The following XKR6 variants were observed in gnomAD, a reference collection of about 807,000 sequenced individuals.
The protein encoded by XKR6 is XK related 6.
A neutral mutation model predicts 56.7 loss-of-function variants in XKR6; 22 were observed. The ratio of observed to expected loss-of-function variants is 0.39; its 90% CI spans 0.28 to 0.55. XKR6 has a LOEUF of 0.55. Among genes scored for constraint, XKR6 ranks in the 20% least tolerant of loss-of-function variants. XKR6 has a pLI of 0.66. For synonymous variants in XKR6, 524 were observed against 387.8 expected (o/e 1.35, Z -4.13); for missense variants, 852 against 889.0 (o/e 0.96, Z 0.53).
At chr8:10,948,557 G>A (rs547682817) in intron 1 of XKR6, among the ~76,000 whole-genome samples, 16 of 152,236 alleles carry the variant, frequency 1.1e-4, no homozygotes, top group Admixed American at 2.6e-4. Context: ...GGGCCTGGTC[G>A]GCTGCCCAGA....
chr8:11,174,747 A>G (rs755532600), intron 1 of XKR6, among the ~76,000 whole-genome samples: 7 of 152,070 alleles, frequency 4.6e-5, no homozygotes, highest in Non-Finnish European at 7.4e-5. Context: ...TTCCAAGTCT[A>G]GCTCTCACCT....
intron 1 of XKR6, among the ~76,000 whole-genome samples, chr8:11,199,985 A>T (rs1804111679): frequency 1.3e-5 from 2 of 152,038 alleles, no homozygotes; most frequent in African/African-American, 4.8e-5. Flanking sequence ...AAAAAAAAAA[A>T]GTCTTTTTTC....
intron 1 of XKR6, among the ~76,000 whole-genome samples, chr8:11,155,801 C>T (rs1321511908): frequency 6.6e-6 from 1 of 152,158 alleles, no homozygotes; most frequent in African/African-American, 2.4e-5. Context: ...TGATCTTACT[C>T]GAAATGCAAA....
At chr8:11,037,352 A>G (rs1799172363) in intron 1 of XKR6, among the ~76,000 whole-genome samples, 1 of 152,126 alleles carries the variant, frequency 6.6e-6, no homozygotes, top group South Asian at 2.1e-4. Context: ...AGGCCTCCTG[A>G]GTAGCTGAGA....
chr8:10,979,749 G>C (rs1360934504), intron 1 of XKR6, among the ~76,000 whole-genome samples: 1 of 152,190 alleles, frequency 6.6e-6, no homozygotes, highest in Non-Finnish European at 1.5e-5. Flanking sequence ...GTGGCTACTT[G>C]GACCCTCCGT....
At chr8:11,183,105 T>C (rs1157638465) in intron 1 of XKR6, among the ~76,000 whole-genome samples, 1 of 152,214 alleles carries the variant, frequency 6.6e-6, no homozygotes, top group African/African-American at 2.4e-5. Context: ...TTTTGTTTAT[T>C]CACTTGTGTT....
At chr8:11,061,637 G>C (rs1799837649) in intron 1 of XKR6, among the ~76,000 whole-genome samples, 2 of 152,166 alleles carry the variant, frequency 1.3e-5, no homozygotes, top group African/African-American at 4.8e-5. Context: ...TGCCCTGAAA[G>C]ACCACCCTGG....
intron 1 of XKR6, among the ~76,000 whole-genome samples, chr8:11,010,923 G>A (rs1002673271): frequency 6.6e-5 from 10 of 152,166 alleles, no homozygotes; most frequent in Admixed American, 1.3e-4. Flanking sequence ...TCATGTGACC[G>A]CTGGTTATGT....
At chr8:10,927,884 G>A (rs754581885) in intron 1 of XKR6, among the ~76,000 whole-genome samples, 20 of 152,158 alleles carry the variant, frequency 1.3e-4, no homozygotes, top group Non-Finnish European at 2.6e-4. Context: ...AGGCAAAACC[G>A]TTTGGACAGC....
chr8:11,130,262 G>C (rs1800039679), intron 1 of XKR6, among the ~76,000 whole-genome samples: 1 of 152,056 alleles, frequency 6.6e-6, no homozygotes, highest in African/African-American at 2.4e-5. Flanking sequence ...CAAAATGATA[G>C]ATTTTTCAGC....
In XKR6 at chr8:10,935,721, T is replaced by A. The variant is rs1315458075; in HGVS notation, c.765-10891A>T. Among the ~76,000 whole-genome samples, 5 of 148,432 alleles carry A rather than the reference T, an allele frequency of 3.4e-5. No homozygotes were observed. In the East Asian group the frequency reaches 7.9e-4, roughly 23 times the overall value. On this transcript the variant is annotated intron_variant, in intron 1 of 2. Transcript: ENST00000416569. ...GTAGTTGAGCGGCTTTGAGTGAGAT[T>A]CTTAATCCTGAGTTCTAGTTTGATT...
At chr8:10,899,027 G>A (rs1259346721) in intron 2 of XKR6, 111 bp from the exon 3 acceptor site, 9 of 1,460,184 alleles carry the variant, frequency 6.2e-6, no homozygotes, top group Non-Finnish European at 8.2e-6. Context: ...TAAAGGAGGA[G>A]GGAGAAAGAA....
At chr8:10,982,045 G>C (rs1203351779) in intron 1 of XKR6, among the ~76,000 whole-genome samples, 1 of 152,216 alleles carries the variant, frequency 6.6e-6, no homozygotes. Context: ...AGAAGCCTTA[G>C]TTGCTACCCC....
chr8:11,140,714 G>A (rs111637109), intron 1 of XKR6, among the ~76,000 whole-genome samples: 3,478 of 152,004 alleles, frequency 0.023, 49 homozygotes, highest in African/African-American at 0.039. Flanking sequence ...TGGCTAACAC[G>A]GTGAAACCCG....
At chr8:10,929,644 A>G (rs926364981) in intron 1 of XKR6, among the ~76,000 whole-genome samples, 3 of 152,244 alleles carry the variant, frequency 2.0e-5, no homozygotes, top group African/African-American at 7.2e-5. Context: ...AACTTCTCTG[A>G]GCCTTAGTTT....
chr8:11,030,012 A>T (rs1798955729), intron 1 of XKR6, among the ~76,000 whole-genome samples: 2 of 152,118 alleles, frequency 1.3e-5, no homozygotes. Context: ...AACCATGTAG[A>T]TCACTCCACA....
At chr8:11,023,292 G>A (rs1798787815) in intron 1 of XKR6, among the ~76,000 whole-genome samples, 1 of 152,214 alleles carries the variant, frequency 6.6e-6, no homozygotes, top group African/African-American at 2.4e-5. Context: ...TTCTGCCCTG[G>A]AAGCAGTGAG....
chr8:10,988,331 A>T (rs1330619592), intron 1 of XKR6, among the ~76,000 whole-genome samples: 5 of 152,240 alleles, frequency 3.3e-5, no homozygotes, highest in Non-Finnish European at 7.3e-5. Context: ...TCTTCAATGA[A>T]TGAGTAGGTG....
At chr8:11,135,085 T>C (rs1800315076) in intron 1 of XKR6, among the ~76,000 whole-genome samples, 1 of 151,346 alleles carries the variant, frequency 6.6e-6, no homozygotes, top group Non-Finnish European at 1.5e-5. Context: ...CAGGCTGAAG[T>C]GCAGTGGCAC....
Sources: gnomAD v4.1 joint callset for allele counts (sites outside exome capture counted in the v4.1 genomes callset) on GRCh38, gnomAD v4.1.1 for gene constraint, MANE v1.5 for transcripts, NCBI Gene and HGNC (gene_info 2026-07-23, HGNC 2026-07-21) for gene names.